TSGA10IP: variants seen among roughly 807,000 people sequenced by gnomAD.
The protein encoded by TSGA10IP is testis-specific protein 10-interacting protein.
Under a neutral mutation model 63.2 loss-of-function variants are expected in TSGA10IP, and 64 were observed. That is an observed-to-expected ratio of 1.01 (90% CI 0.83 to 1.25). TSGA10IP has a LOEUF of 1.25. Ranked by LOEUF, TSGA10IP falls within the 50% of genes most tolerant of loss-of-function variation. The pLI, the probability that TSGA10IP is intolerant of heterozygous loss-of-function variation, is 0.00. For synonymous variants in TSGA10IP, 316 were observed against 298.3 expected, an observed-to-expected ratio of 1.06 and a Z score of -0.61; for missense variants, 681 against 710.1, an observed-to-expected ratio of 0.96 and a Z score of 0.47.
chr11:65,957,195 G>C (rs972496454), intron 5 of TSGA10IP, among the ~76,000 whole-genome samples: 2 of 152,096 alleles, frequency 1.3e-5, no homozygotes, highest in African/African-American at 4.8e-5. Flanking sequence ...TCTGTCGCCA[G>C]GCTGGAGTAC....
At chr11:65,947,070 G>A (rs371835572) in intron 2 of TSGA10IP, 40 bp from the exon 3 acceptor site, 2 of 1,609,800 alleles carry the variant, frequency 1.2e-6, no homozygotes, top group Admixed American at 1.7e-5. Context: ...GCCCTCTGGG[G>A]GCTGGCGCCG....
chr11:65,946,011 C>A, intron 1 of TSGA10IP, 189 bp downstream of exon 1: 1 of 641,392 alleles, frequency 1.6e-6, no homozygotes, highest in Admixed American at 3.0e-5. Flanking sequence ...GGATGACGCC[C>A]AGGAGTGACT....
chr11:65,958,804 G>C (rs1279612080), intron 5 of TSGA10IP, 79 bp from the exon 6 acceptor site: 9 of 1,185,240 alleles, frequency 7.6e-6, no homozygotes. Flanking sequence ...CAAGTCCTTA[G>C]TGAAGATAAG....
At position 65,945,597 on chromosome 11, in the gene TSGA10IP, A is replaced by AT; in HGVS notation, c.-77dup. The AT allele has an allele frequency of 6.5e-7, 1 of 1,540,528 alleles. No individual in the cohort carries two copies. The highest frequency in any genetic ancestry group is 8.8e-7 in the Non-Finnish European group (1 of 1,131,610). ...TCCTAGCATGCTTTTTGCCAGACCC[A>AT]TTGAGACTGGCTGAGGACTGGTTGC... On this transcript the variant is annotated 5_prime_UTR_variant, in exon 1 of 8. It introduces an in-frame stop codon into an upstream open reading frame of the 5' UTR. Coordinates refer to ENST00000532620, the Ensembl canonical transcript of TSGA10IP.
intron 4 of TSGA10IP, among the ~76,000 whole-genome samples, chr11:65,950,739 T>G (rs953402370): frequency 6.6e-6 from 1 of 152,070 alleles, no homozygotes; most frequent in East Asian, 1.9e-4. Flanking sequence ...AGTTTTTGTA[T>G]TTTTAGTAGA....
chr11:65,955,829 C>T (rs1855014902), intron 5 of TSGA10IP, among the ~76,000 whole-genome samples: 1 of 152,170 alleles, frequency 6.6e-6, no homozygotes, highest in African/African-American at 2.4e-5. Context: ...GCATGGGCAG[C>T]AGAATTGGGT....
intron 4 of TSGA10IP, among the ~76,000 whole-genome samples, chr11:65,951,512 G>A (rs1854940451): frequency 1.3e-5 from 1 of 74,198 alleles, no homozygotes; most frequent in Non-Finnish European, 2.8e-5. Context: ...TGGGTTATTT[G>A]CTTATTTTAT....
At chr11:65,949,907 C>A (rs2134870831) in intron 4 of TSGA10IP, among the ~76,000 whole-genome samples, 1 of 117,918 alleles carries the variant, frequency 8.5e-6, no homozygotes, top group South Asian at 3.0e-4. Flanking sequence ...GGCTGGAGTG[C>A]TGTGGTGTGA....
Position 65,953,560 on chromosome 11 carries a change from A to C in TSGA10IP, c.1152-7A>C. The C allele has an allele frequency of 6.4e-7, 1 of 1,563,138 alleles. No homozygotes were observed. On this transcript the variant is annotated splice_region_variant and splice_polypyrimidine_tract_variant and intron_variant, in intron 4 of 7. Coordinates refer to ENST00000532620, the Ensembl canonical transcript of TSGA10IP. ...ACCTCTCATTCCCCTTCCCTTTCTC[A>C]CCCAAGGAGCCTGCTGCAGGCCTGG...
chr11:65,946,978 C>A (rs974036845), exon 2 of TSGA10IP: 5 of 1,613,928 alleles, frequency 3.1e-6, no homozygotes, highest in South Asian at 1.1e-5. Context: ...AGCCCAGGGG[C>A]CAGAGCAAGA....
exon 3 of TSGA10IP, chr11:65,947,637 G>C: frequency 6.2e-7 from 1 of 1,613,326 alleles, no homozygotes; most frequent in East Asian, 2.2e-5. Flanking sequence ...AGGGCTGGTT[G>C]TCAGAGAAAG....
chr11:65,954,368 G>A (rs1565308082), intron 5 of TSGA10IP, among the ~76,000 whole-genome samples: 1 of 151,066 alleles, frequency 6.6e-6, no homozygotes, highest in Non-Finnish European at 1.5e-5. Flanking sequence ...TAGAGACGGG[G>A]TTTCACCGTG....
chr11:65,953,439 C>T lies in TSGA10IP; in HGVS notation c.1152-128C>T, dbSNP rs528570771. On this transcript the variant is annotated intron_variant, in intron 4 of 7. Transcript: ENST00000532620. ...GGACTTCCATGACAAACCCTACTCC[C>T]AGGACACTGGCTCTGGACACTGCAG... The T allele has an allele frequency of 2.4e-5, 31 of 1,297,670 alleles. No individual in the cohort carries two copies. In the East Asian group the frequency reaches 8.4e-4, roughly 35 times the overall value. 80.4% of individuals were successfully genotyped at this position (1,297,670 alleles called of 1,614,324 possible).
chr11:65,955,880 C>T (rs767746003), intron 5 of TSGA10IP, among the ~76,000 whole-genome samples: 20 of 152,078 alleles, frequency 1.3e-4, no homozygotes, highest in Admixed American at 3.9e-4. Flanking sequence ...TCAAATCCTC[C>T]GCTTTTAGAC....
rs563701076 is a variant in TSGA10IP, at chr11:65,956,294, C to T, written c.1322+2557C>T. Among the ~76,000 whole-genome samples the T allele has an allele frequency of 2.6e-3, 392 of 152,122 alleles. 4 individuals carry two copies. Among genetic ancestry groups the T allele is most frequent in the Non-Finnish European group, 3.8e-3 (258 of 67,988 alleles). ...CTGGGATTACAGGCATGCGCCTCCA[C>T]GCCCGGCTAATTTTGTATTTTTAGT... On this transcript the variant is annotated intron_variant, in intron 5 of 7. Coordinates refer to ENST00000532620, the Ensembl canonical transcript of TSGA10IP.
At chr11:65,947,455 G>A (rs372300653) in exon 3 of TSGA10IP, 104 of 1,613,606 alleles carry the variant, frequency 6.4e-5, no homozygotes, top group African/African-American at 6.3e-4. Context: ...CAGGATCGGC[G>A]TCCGACAAGC....
chr11:65,948,783 GGGCAACAT>G (rs1854891711), intron 4 of TSGA10IP, among the ~76,000 whole-genome samples: 1 of 152,096 alleles, frequency 6.6e-6, no homozygotes, highest in South Asian at 2.1e-4. Context: ...AGACCAGCCT[GGGCAACAT>G]GGCGAAACCC....
exon 3 of TSGA10IP, chr11:65,947,727 A>T (rs1262758605): frequency 1.3e-6 from 2 of 1,593,370 alleles, no homozygotes; most frequent in African/African-American, 2.7e-5. Flanking sequence ...AGCTTCAACA[A>T]CCTCCGAAGG....
At chr11:65,958,465 C>G (rs1422545701) in intron 5 of TSGA10IP, among the ~76,000 whole-genome samples, 1 of 152,088 alleles carries the variant, frequency 6.6e-6, no homozygotes, top group Non-Finnish European at 1.5e-5. Context: ...CAGAGAGAGG[C>G]CTCACCCAAA....
Sources: allele counts gnomAD v4.1 joint callset (sites outside exome capture counted in the v4.1 genomes callset), GRCh38; gene constraint gnomAD v4.1.1; transcripts MANE v1.5; gene names NCBI Gene and HGNC (gene_info 2026-07-23, HGNC 2026-07-21).